The following CLEC11A variants were observed in gnomAD, a reference collection of about 807,000 sequenced individuals.
CLEC11A encodes the protein C-type lectin domain containing 11A.
In CLEC11A, 35 loss-of-function variants were observed where a neutral mutation model predicts 33.9. The observed-to-expected ratio is 1.03, with a 90% CI of 0.79 to 1.37. The LOEUF is 1.37. CLEC11A is among the 40% of genes most tolerant of loss of function. The pLI, the probability that CLEC11A is intolerant of heterozygous loss-of-function variation, is 0.00. For synonymous variants in CLEC11A, 220 were observed against 202.2 expected (o/e 1.09, Z -0.75); for missense variants, 519 against 455.5 (o/e 1.14, Z -1.27).
chr19:50,725,677 G>C lies in CLEC11A; in HGVS notation c.*210G>C, dbSNP rs1022634223. 1.2e-6 allele frequency: 1 copy of C among 868,454 alleles called. No homozygotes were observed. Among genetic ancestry groups the C allele is most frequent in the Non-Finnish European group, 1.7e-6 (1 of 588,118 alleles). The allele number at this position is 868,454 out of a possible 1,614,324, so 53.8% of individuals were successfully genotyped here. A position where few individuals can be genotyped will look rare whatever the true frequency, so the allele number is the denominator to read the frequency against. ...CTTGAAGGGGCGGGCACCAGGCTAG[G>C]TCCGGTGCCAATAAATCCTTGTGGA... On this transcript the variant is annotated 3_prime_UTR_variant, in exon 4 of 4. Coordinates refer to ENST00000250340, the MANE Select transcript of CLEC11A (RefSeq NM_002975.3).
rs1160489917 is a variant in CLEC11A, at chr19:50,725,146, C to T, written c.651C>T (p.Arg217=). ...RGGSLAQPAD[R]QQMEALTRYL... is the part of the protein sequence containing the mutation. Reference sequence around the variant, plus strand: ...GGAGCCTGGCGCAGCCGGCAGACCGCCAGCAGATGGAGGCGCTCACTCGGT... The same window carrying T: ...GGAGCCTGGCGCAGCCGGCAGACCGTCAGCAGATGGAGGCGCTCACTCGGT... The change falls in exon 4 of 4, where the codon CGC becomes CGT. Residue 217 remains arginine (R), a synonymous_variant. Transcript: ENST00000250340. 2.6e-6 allele frequency: 4 copies of T among 1,556,786 alleles called. No homozygotes were observed. The highest frequency in any genetic ancestry group is 1.4e-5 in the African/African-American group (1 of 73,130).
chr19:50,724,544 G>A lies in CLEC11A; in HGVS notation c.469G>A (p.Val157Met), dbSNP rs1041981819. The change falls in exon 3 of 4, where the codon GTG becomes ATG. Residue 157 changes from valine (V) to methionine (M), a missense_variant. Val to Met is a conservative substitution (Grantham distance 21, BLOSUM62 1). Coordinates refer to ENST00000250340, the MANE Select transcript of CLEC11A (RefSeq NM_002975.3). The surrounding 1 kb of genome is among the most constrained non-coding windows in gnomAD (Gnocchi z 4.1). ...RNAAGDTRDA[V>M]QALQEAQGRA... ...CGCGGCAGGCGACACCCGCGATGCC[G>A]TGCAAGCCCTGCAGGAGGCGCAGGG... 4.6e-6 allele frequency: 7 copies of A among 1,522,922 alleles called. No individual in the cohort carries two copies. The highest frequency in any genetic ancestry group is 1.8e-6 in the Non-Finnish European group (2 of 1,140,280). 94.3% of individuals were successfully genotyped at this position (1,522,922 alleles called of 1,614,324 possible).
rs778686292 is a variant in CLEC11A, at chr19:50,723,657, G to C, written c.132G>C (p.Glu44Asp). The stretch of plus-strand genomic sequence containing the variant: ...CCCAGGAGGAGGAGCGGGAGAGGGA[G>C]GCCCTGATGCTGAAGGTGAGCTCTG... ...GGAQEEERER[E>D]ALMLKHLQEA... Residue 44 changes from glutamate (E) to aspartate (D), a missense_variant, in exon 1 of 4, where the codon GAG becomes GAC. Physicochemically the swap from Glu to Asp is conservative, Grantham distance 45. Coordinates refer to ENST00000250340, the MANE Select transcript of CLEC11A (RefSeq NM_002975.3). The surrounding 1 kb of genome is among the most constrained non-coding windows in gnomAD (Gnocchi z 4.1). The C allele has an allele frequency of 6.3e-7, 1 of 1,591,154 alleles. No homozygotes were observed. Among genetic ancestry groups the C allele is most frequent in the Non-Finnish European group, 8.5e-7 (1 of 1,170,182 alleles).
In CLEC11A at chr19:50,725,661, G is replaced by A; in HGVS notation, c.*194G>A. On this transcript the variant is annotated 3_prime_UTR_variant, in exon 4 of 4. Transcript: ENST00000250340. ...CTTGTTAGTGTCTTTCCTTGAAGGGGCGGGCACCAGGCTAGGTCCGGTGCC... is the reference window on the plus strand; with the variant it reads ...CTTGTTAGTGTCTTTCCTTGAAGGGACGGGCACCAGGCTAGGTCCGGTGCC... The A allele has an allele frequency of 9.7e-7, 1 of 1,031,830 alleles. No homozygotes were observed. The highest frequency in any genetic ancestry group is 1.4e-6 in the Non-Finnish European group (1 of 733,516). The allele number at this position is 1,031,830 out of a possible 1,614,324, so 63.9% of individuals were successfully genotyped here.
rs1394879385 is a variant in CLEC11A at position 50,725,127 on chromosome 19, T to A, written c.632T>A (p.Leu211Gln). The part of the protein sequence containing the change: ...QARCTARGGS[L>Q]AQPADRQQME... ...CGGTGCACGGCGCGGGGCGGGAGCC[T>A]GGCGCAGCCGGCAGACCGCCAGCAG... Residue 211 changes from leucine to glutamine, a missense_variant, in exon 4 of 4, where the codon CTG becomes CAG. By Grantham distance (113) the Leu-to-Gln change is moderately radical. Transcript: ENST00000250340. 6.5e-7 allele frequency: 1 copy of A among 1,545,062 alleles called. No homozygotes were observed. Among genetic ancestry groups the A allele is most frequent in the South Asian group, 1.2e-5 (1 of 83,742 alleles).
chr19:50,724,569 G>C lies in CLEC11A; in HGVS notation c.494G>C (p.Gly165Ala). ...DAVQALQEAQ[G>A]RAEREHGRLE... ...GTGCAAGCCCTGCAGGAGGCGCAGG[G>C]TCGCGCCGAGCGCGAGCACGGCCGC... Residue 165 changes from glycine to alanine, a missense_variant, in exon 3 of 4, where the codon GGT becomes GCT. Gly to Ala is a moderately conservative substitution (Grantham distance 60, BLOSUM62 0). Transcript: ENST00000250340. This position sits in a 1 kb window ranked among gnomAD's most constrained non-coding sequence, Gnocchi z 4.1. The C allele has an allele frequency of 6.9e-7, 1 of 1,455,316 alleles. No individual in the cohort carries two copies. Among genetic ancestry groups the C allele is most frequent in the Non-Finnish European group, 9.0e-7 (1 of 1,109,376 alleles). 90.2% of individuals were successfully genotyped at this position (1,455,316 alleles called of 1,614,324 possible). A position where few individuals can be genotyped will look rare whatever the true frequency, so the allele number is the denominator to read the frequency against.
Position 50,724,930 on chromosome 19 carries a change from G to T in CLEC11A, c.527-92G>T. ...GCCCTCCCCATGAGTTCCTGGCCCCGCCTCCCTCCACCCCCGGATGTTTTG... is the reference window on the plus strand; with the variant it reads ...GCCCTCCCCATGAGTTCCTGGCCCCTCCTCCCTCCACCCCCGGATGTTTTG... On this transcript the variant is annotated intron_variant, in intron 3 of 3. Transcript: ENST00000250340. The surrounding 1 kb of genome is among the most constrained non-coding windows in gnomAD (Gnocchi z 4.1). The T allele has an allele frequency of 2.4e-6, 3 of 1,225,610 alleles. No homozygotes were observed. Among genetic ancestry groups the T allele is most frequent in the Non-Finnish European group, 1.0e-6 (1 of 975,788 alleles). 75.9% of individuals were successfully genotyped at this position (1,225,610 alleles called of 1,614,324 possible).
Position 50,724,830 on chromosome 19 carries a change from A to G in CLEC11A, c.527-192A>G, listed in dbSNP as rs1057277911. ...CCACGCCCCCTACAGTCCAGCTCCC[A>G]CCGCCTGGCCCCGCCCCTGGCGGAC... is the stretch of plus-strand genomic sequence containing the variant. On this transcript the variant is annotated intron_variant, in intron 3 of 3. Coordinates refer to ENST00000250340, the MANE Select transcript of CLEC11A (RefSeq NM_002975.3). This position sits in a 1 kb window ranked among gnomAD's most constrained non-coding sequence, Gnocchi z 4.1. The G allele has an allele frequency of 1.5e-6, 2 of 1,372,272 alleles. No individual in the cohort carries two copies. The highest frequency in any genetic ancestry group is 5.6e-5 in the East Asian group (2 of 35,626). 85.0% of individuals were successfully genotyped at this position (1,372,272 alleles called of 1,614,324 possible). A position where few individuals can be genotyped will look rare whatever the true frequency, so the allele number is the denominator to read the frequency against.
At position 50,723,408 on chromosome 19, in the gene CLEC11A, G is replaced by A; in HGVS notation, c.-118G>A. On this transcript the variant is annotated 5_prime_UTR_variant, in exon 1 of 4. Coordinates refer to ENST00000250340, the MANE Select transcript of CLEC11A (RefSeq NM_002975.3). This position sits in a 1 kb window ranked among gnomAD's most constrained non-coding sequence, Gnocchi z 4.1. ...GGAAGAGAGAAGCTGGGAGAATCGGGAACCTGGGGGCTAGTGACCTGCACA... is the reference window on the plus strand; with the variant it reads ...GGAAGAGAGAAGCTGGGAGAATCGGAAACCTGGGGGCTAGTGACCTGCACA... 9.9e-7 allele frequency: 1 copy of A among 1,012,798 alleles called. No homozygotes were observed. The highest frequency in any genetic ancestry group is 1.4e-5 in the South Asian group (1 of 69,100). 62.7% of individuals were successfully genotyped at this position (1,012,798 alleles called of 1,614,324 possible).
Position 50,724,823 on chromosome 19 carries a change from A to G in CLEC11A, c.527-199A>G. The G allele has an allele frequency of 7.4e-7, 1 of 1,353,440 alleles. No homozygotes were observed. Among genetic ancestry groups the G allele is most frequent in the South Asian group, 1.6e-5 (1 of 62,028 alleles). The allele number at this position is 1,353,440 out of a possible 1,614,324, so 83.8% of individuals were successfully genotyped here. Reference sequence around the variant, plus strand: ...GGCAGCACCACGCCCCCTACAGTCCAGCTCCCACCGCCTGGCCCCGCCCCT... The same window carrying G: ...GGCAGCACCACGCCCCCTACAGTCCGGCTCCCACCGCCTGGCCCCGCCCCT... On this transcript the variant is annotated intron_variant, in intron 3 of 3. Coordinates refer to ENST00000250340, the MANE Select transcript of CLEC11A (RefSeq NM_002975.3). This position sits in a 1 kb window ranked among gnomAD's most constrained non-coding sequence, Gnocchi z 4.1.
In CLEC11A at chr19:50,723,735, A is replaced by C. The variant is rs1344683264; in HGVS notation, c.147+63A>C. Reference sequence around the variant, plus strand: ...CTGTGGGTCTGGGAGGGGGTATTGCAAGGTTAGGGAAATGGACAATGAGGA... The same window carrying C: ...CTGTGGGTCTGGGAGGGGGTATTGCCAGGTTAGGGAAATGGACAATGAGGA... On this transcript the variant is annotated intron_variant, in intron 1 of 3. Coordinates refer to ENST00000250340, the MANE Select transcript of CLEC11A (RefSeq NM_002975.3). This position sits in a 1 kb window ranked among gnomAD's most constrained non-coding sequence, Gnocchi z 4.1. The C allele has an allele frequency of 2.0e-6, 3 of 1,532,182 alleles. No individual in the cohort carries two copies. In the African/African-American group the frequency reaches 4.2e-5, roughly 21 times the overall value. The allele number at this position is 1,532,182 out of a possible 1,614,324, so 94.9% of individuals were successfully genotyped here.
In CLEC11A at chr19:50,723,753, A is replaced by C; in HGVS notation, c.147+81A>C. On this transcript the variant is annotated intron_variant, in intron 1 of 3. Transcript: ENST00000250340. This position sits in a 1 kb window ranked among gnomAD's most constrained non-coding sequence, Gnocchi z 4.1. ...GTATTGCAAGGTTAGGGAAATGGAC[A>C]ATGAGGAGCGATTGGGATAGTCTCA... 4 of 1,530,360 alleles carry C rather than the reference A, an allele frequency of 2.6e-6. No homozygotes were observed. The highest frequency in any genetic ancestry group is 3.5e-6 in the Non-Finnish European group (4 of 1,141,684). 94.8% of individuals were successfully genotyped at this position (1,530,360 alleles called of 1,614,324 possible).
chr19:50,724,733 T>C lies in CLEC11A; in HGVS notation c.526+132T>C, dbSNP rs1438896906. 5 of 1,202,922 alleles carry C rather than the reference T, an allele frequency of 4.2e-6. No homozygotes were observed. Among genetic ancestry groups the C allele is most frequent in the Non-Finnish European group, 5.5e-6 (5 of 913,684 alleles). 74.5% of individuals were successfully genotyped at this position (1,202,922 alleles called of 1,614,324 possible). On this transcript the variant is annotated intron_variant, in intron 3 of 3. Transcript: ENST00000250340. This position sits in a 1 kb window ranked among gnomAD's most constrained non-coding sequence, Gnocchi z 4.1. Reference sequence around the variant, plus strand: ...GCTGCTGTGTGCTAGCGGACGGGGTTAGAGAGCTGGGAGGCTGAATGCAGG... The same window carrying C: ...GCTGCTGTGTGCTAGCGGACGGGGTCAGAGAGCTGGGAGGCTGAATGCAGG...
chr19:50,724,271 C>T lies in CLEC11A; in HGVS notation c.335-139C>T, dbSNP rs2089165869. On this transcript the variant is annotated intron_variant, in intron 2 of 3. Transcript: ENST00000250340. This position sits in a 1 kb window ranked among gnomAD's most constrained non-coding sequence, Gnocchi z 4.1. ...CCTCCTAAAGGCCTGGGCCACTCGACCCTACCTTCCAGGAGTCCGGGGTGC... is the reference window on the plus strand; with the variant it reads ...CCTCCTAAAGGCCTGGGCCACTCGATCCTACCTTCCAGGAGTCCGGGGTGC... The T allele has an allele frequency of 8.0e-7, 1 of 1,247,356 alleles. No homozygotes were observed. The highest frequency in any genetic ancestry group is 1.1e-6 in the Non-Finnish European group (1 of 923,478). 77.3% of individuals were successfully genotyped at this position (1,247,356 alleles called of 1,614,324 possible).
Position 50,723,454 on chromosome 19 carries a change from G to C in CLEC11A, c.-72G>C. Reference sequence around the variant, plus strand: ...GCACACAGGGCAGGGGCACTCGGCAGTTCCCAGAGGCCACCCCTCCCACCC... The same window carrying C: ...GCACACAGGGCAGGGGCACTCGGCACTTCCCAGAGGCCACCCCTCCCACCC... On this transcript the variant is annotated 5_prime_UTR_variant, in exon 1 of 4. Transcript: ENST00000250340. The surrounding 1 kb of genome is among the most constrained non-coding windows in gnomAD (Gnocchi z 4.1). The C allele has an allele frequency of 6.4e-7, 1 of 1,570,378 alleles. No homozygotes were observed. Among genetic ancestry groups the C allele is most frequent in the Non-Finnish European group, 8.7e-7 (1 of 1,145,288 alleles).
In CLEC11A at chr19:50,724,585, G is replaced by T; in HGVS notation, c.510G>T (p.Glu170Asp). 7.0e-7 allele frequency: 1 copy of T among 1,424,880 alleles called. No individual in the cohort carries two copies. Among genetic ancestry groups the T allele is most frequent in the Non-Finnish European group, 9.1e-7 (1 of 1,093,838 alleles). The allele number at this position is 1,424,880 out of a possible 1,614,324, so 88.3% of individuals were successfully genotyped here. Residue 170 changes from glutamate to aspartate, a missense_variant, in exon 3 of 4, where the codon GAG becomes GAT. Coordinates refer to ENST00000250340, the MANE Select transcript of CLEC11A (RefSeq NM_002975.3). This position sits in a 1 kb window ranked among gnomAD's most constrained non-coding sequence, Gnocchi z 4.1. ...LQEAQGRAER[E>D]HGRLEGCLKG... ...AGGCGCAGGGTCGCGCCGAGCGCGA[G>T]CACGGCCGCTTGGAGGGTGAGTCCG... is the stretch of plus-strand genomic sequence containing the variant.
chr19:50,723,850 G>C lies in CLEC11A; in HGVS notation c.148-55G>C. On this transcript the variant is annotated intron_variant, in intron 1 of 3. Coordinates refer to ENST00000250340, the MANE Select transcript of CLEC11A (RefSeq NM_002975.3). This position sits in a 1 kb window ranked among gnomAD's most constrained non-coding sequence, Gnocchi z 4.1. The stretch of plus-strand genomic sequence containing the variant: ...AGAATGAGTTATGAGTTGGAAAGGG[G>C]TGAATGGGGCATCTTGGTGGCAGGC... 2 of 1,574,260 alleles carry C rather than the reference G, an allele frequency of 1.3e-6. No homozygotes were observed. Among genetic ancestry groups the C allele is most frequent in the Non-Finnish European group, 1.7e-6 (2 of 1,161,464 alleles).
Position 50,724,003 on chromosome 19 carries a change from G to C in CLEC11A, c.246G>C (p.Gln82His). ...AGGACTGGGAGATGGAGGAGGACCA[G>C]GGGGAGGAAGAGGAGGAGGAAGCAA... ...GKEDWEMEED[Q>H]GEEEEEEATP... The change falls in exon 2 of 4, where the codon CAG becomes CAC. Residue 82 changes from glutamine (Q) to histidine (H), a missense_variant. Coordinates refer to ENST00000250340, the MANE Select transcript of CLEC11A (RefSeq NM_002975.3). This position sits in a 1 kb window ranked among gnomAD's most constrained non-coding sequence, Gnocchi z 4.1. The C allele has an allele frequency of 6.2e-7, 1 of 1,612,990 alleles. No homozygotes were observed. The highest frequency in any genetic ancestry group is 8.5e-7 in the Non-Finnish European group (1 of 1,179,186).
At position 50,725,015 on chromosome 19, in the gene CLEC11A, C is replaced by T; in HGVS notation, c.527-7C>T. ...CCGCCTCCTTCTCTACCCGGCCCCG[C>T]CCACAGGCTGCCTGAAGGGGCTGCG... On this transcript the variant is annotated splice_region_variant and splice_polypyrimidine_tract_variant and intron_variant, in intron 3 of 3. Transcript: ENST00000250340. 2 of 1,470,540 alleles carry T rather than the reference C, an allele frequency of 1.4e-6. No individual in the cohort carries two copies. The highest frequency in any genetic ancestry group is 2.7e-5 in the Admixed American group (1 of 37,184). The allele number at this position is 1,470,540 out of a possible 1,614,324, so 91.1% of individuals were successfully genotyped here.
Sources: allele counts gnomAD v4.1 joint callset, GRCh38; gene constraint gnomAD v4.1.1; non-coding constraint Gnocchi (gnomAD v3.1); transcripts MANE v1.5; gene names NCBI Gene and HGNC (gene_info 2026-07-23, HGNC 2026-07-21).